CSMD1: variants seen among roughly 807,000 people sequenced by gnomAD.
CSMD1 encodes the protein CUB and Sushi multiple domains 1, also known as CUB and sushi domain-containing protein 1.
In CSMD1, 213 loss-of-function variants were observed where a neutral mutation model predicts 417.5. The observed-to-expected ratio is 0.51, with a 90% confidence interval of 0.46 to 0.57. The LOEUF is 0.57. Among genes scored for constraint, CSMD1 ranks in the 20% least tolerant of loss-of-function variants. The pLI, the probability that CSMD1 is intolerant of heterozygous loss-of-function variation, is 0.00. For missense variants in CSMD1, 6,923 were observed against 4,529.7 expected, an observed-to-expected ratio of 1.53 and a Z score of -15.17; for synonymous variants, 2,862 against 1,736.8, an observed-to-expected ratio of 1.65 and a Z score of -16.11.
At chr8:3,291,249 G>T (rs1015115027) in intron 25 of CSMD1, among the ~76,000 whole-genome samples, 1 of 152,034 alleles carries the variant, frequency 6.6e-6, no homozygotes, top group Non-Finnish European at 1.5e-5. Context: ...GAGGATTTTT[G>T]CATCGATGTT....
intron 3 of CSMD1, among the ~76,000 whole-genome samples, chr8:4,058,394 G>C (rs1798806501): frequency 6.6e-6 from 1 of 152,116 alleles, no homozygotes; most frequent in Non-Finnish European, 1.5e-5. Context: ...TGTATCCTCA[G>C]ACTTTGCTGA....
chr8:4,247,015 A>C (rs1025493873), intron 3 of CSMD1, among the ~76,000 whole-genome samples: 2 of 152,230 alleles, frequency 1.3e-5, no homozygotes, highest in Non-Finnish European at 2.9e-5. Context: ...TCAGCGCCCC[A>C]TATGTGCTAA....
chr8:3,647,140 C>T (rs542505691), intron 7 of CSMD1, among the ~76,000 whole-genome samples: 3 of 152,236 alleles, frequency 2.0e-5, no homozygotes, highest in East Asian at 3.9e-4. Flanking sequence ...GGAATGTAAG[C>T]TTGTAGGGGT....
chr8:4,182,018 A>G (rs1038906038), intron 3 of CSMD1, among the ~76,000 whole-genome samples: 1 of 139,122 alleles, frequency 7.2e-6, no homozygotes, highest in Non-Finnish European at 1.6e-5. Context: ...AGAAACTCAT[A>G]CACACCCGTG....
chr8:3,497,680 T>C (rs1796424114), intron 10 of CSMD1, among the ~76,000 whole-genome samples: 1 of 152,242 alleles, frequency 6.6e-6, no homozygotes, highest in South Asian at 2.1e-4. Flanking sequence ...GTTTAGTCTA[T>C]GCCTTTACAG....
At chr8:3,012,754 T>C (rs995524367) in intron 52 of CSMD1, among the ~76,000 whole-genome samples, 5 of 152,164 alleles carry the variant, frequency 3.3e-5, no homozygotes, top group East Asian at 1.9e-4. Flanking sequence ...GATGTGGGGA[T>C]TTTTTATACT....
intron 5 of CSMD1, among the ~76,000 whole-genome samples, chr8:3,915,405 C>CAGAAAAAAA (rs1554484704): frequency 1.4e-4 from 11 of 76,282 alleles, no homozygotes; most frequent in African/African-American, 3.7e-4. Context: ...GACTCTGTCT[C>CAGAAAAAAA]AAAAAAAAAA....
chr8:4,021,479 A>G (rs1796785728), intron 4 of CSMD1, among the ~76,000 whole-genome samples: 1 of 152,160 alleles, frequency 6.6e-6, no homozygotes, highest in Non-Finnish European at 1.5e-5. Context: ...AGCGTGTGGC[A>G]GTTGAATCCG....
At chr8:3,104,694 C>CT (rs146590683) in intron 46 of CSMD1, among the ~76,000 whole-genome samples, 1 of 137,554 alleles carries the variant, frequency 7.3e-6, no homozygotes, top group African/African-American at 2.9e-5. Flanking sequence ...AGTTATCAGA[C>CT]TTTTTTTTTT....
At chr8:3,858,928 T>C (rs114074496) in intron 5 of CSMD1, among the ~76,000 whole-genome samples, 6,009 of 152,274 alleles carry the variant, frequency 0.039, 132 homozygotes, top group Middle Eastern at 0.071. Context: ...GGCGAGTTGG[T>C]TGAAGTCAGT....
intron 41 of CSMD1, among the ~76,000 whole-genome samples, chr8:3,124,983 C>G (rs773582021): frequency 2.6e-4 from 39 of 152,166 alleles, no homozygotes; most frequent in Non-Finnish European, 4.6e-4. Flanking sequence ...TTCCAAATGT[C>G]TTGTTAAACT....
chr8:3,029,779 C>T (rs754870350), intron 50 of CSMD1, among the ~76,000 whole-genome samples: 4 of 151,842 alleles, frequency 2.6e-5, no homozygotes, highest in African/African-American at 9.7e-5. Flanking sequence ...ATCACTTCCA[C>T]AAAAGTATAT....
intron 7 of CSMD1, among the ~76,000 whole-genome samples, chr8:3,678,215 G>C (rs1799479635): frequency 2.0e-5 from 3 of 152,122 alleles, no homozygotes; most frequent in Admixed American, 2.0e-4. Context: ...GAGAGAAGAA[G>C]GTTTCAGATG....
chr8:3,694,882 G>A (rs1315473362), intron 7 of CSMD1, among the ~76,000 whole-genome samples: 1 of 152,072 alleles, frequency 6.6e-6, no homozygotes, highest in East Asian at 1.9e-4. Context: ...AAACCTGCTG[G>A]ATTCATTCTG....
chr8:3,362,120 C>A (rs984976566), intron 20 of CSMD1, among the ~76,000 whole-genome samples: 1 of 152,124 alleles, frequency 6.6e-6, no homozygotes, highest in Non-Finnish European at 1.5e-5. Context: ...ATATGCGTTA[C>A]ACGGTCAATC....
At chr8:4,393,062 G>A (rs1027461207) in intron 3 of CSMD1, among the ~76,000 whole-genome samples, 8 of 152,228 alleles carry the variant, frequency 5.3e-5, no homozygotes, top group African/African-American at 1.7e-4. Flanking sequence ...TGTACCCTCC[G>A]CCTCCGGGGT....
At chr8:3,235,179 A>C (rs1585739300) in intron 26 of CSMD1, among the ~76,000 whole-genome samples, 1 of 152,230 alleles carries the variant, frequency 6.6e-6, no homozygotes, top group East Asian at 1.9e-4. Context: ...ATACAATGAA[A>C]TGAATGTTAT....
chr8:4,697,397 T>C (rs924604659), intron 1 of CSMD1, among the ~76,000 whole-genome samples: 1 of 152,148 alleles, frequency 6.6e-6, no homozygotes, highest in South Asian at 2.1e-4. Flanking sequence ...CTACTTTACA[T>C]GCTAGCAAAT....
At chr8:3,310,007 G>C (rs1047675879) in intron 23 of CSMD1, among the ~76,000 whole-genome samples, 3 of 152,224 alleles carry the variant, frequency 2.0e-5, no homozygotes, top group East Asian at 3.9e-4. Flanking sequence ...CTATTTAAGA[G>C]ACACCAATAA....
Sources: allele counts gnomAD v4.1 joint callset (sites outside exome capture counted in the v4.1 genomes callset), GRCh38; gene constraint gnomAD v4.1.1; transcripts MANE v1.5; gene names NCBI Gene and HGNC (gene_info 2026-07-23, HGNC 2026-07-21).